CCSER1: variants seen among roughly 807,000 people sequenced by gnomAD.
The protein encoded by CCSER1 is serine-rich coiled-coil domain-containing protein 1.
A neutral mutation model predicts 82.0 loss-of-function variants in CCSER1; 41 were observed. The observed-to-expected ratio is 0.50, with a 90% CI of 0.39 to 0.65. The LOEUF (loss-of-function observed/expected upper bound fraction) is 0.65, where lower values mean the gene tolerates loss of function less well. Among genes scored for constraint, CCSER1 ranks in the 30% least tolerant of loss-of-function variants. The pLI is 0.00. For synonymous variants in CCSER1, 414 were observed against 383.9 expected (o/e 1.08, Z -0.92); for missense variants, 1,119 against 1,064.2 (o/e 1.05, Z -0.72).
intron 10 of CCSER1, among the ~76,000 whole-genome samples, chr4:91,324,882 A>G (rs1023226704): frequency 6.6e-6 from 1 of 152,202 alleles, no homozygotes; most frequent in African/African-American, 2.4e-5. Flanking sequence ...GGGAGGGGCC[A>G]AGGGCAGAAT....
chr4:90,276,255 C>CTCTTTCT (rs1727692994), intron 1 of CCSER1, among the ~76,000 whole-genome samples: 1 of 52,802 alleles, frequency 1.9e-5, no homozygotes, highest in Non-Finnish European at 3.8e-5. Flanking sequence ...TCTTTCTTTC[C>CTCTTTCT]TTCCTTCCTT....
At chr4:90,328,786 C>T (rs544515467) in intron 3 of CCSER1, among the ~76,000 whole-genome samples, 156 of 152,160 alleles carry the variant, frequency 1.0e-3, no homozygotes, top group African/African-American at 3.5e-3. Context: ...CTGAATTGTG[C>T]CTCAGGCTGG....
At chr4:91,309,745 G>A (rs1321590139) in intron 10 of CCSER1, among the ~76,000 whole-genome samples, 1 of 151,872 alleles carries the variant, frequency 6.6e-6, no homozygotes, top group East Asian at 1.9e-4. Flanking sequence ...GTATATATAG[G>A]AATATATAAG....
intron 4 of CCSER1, among the ~76,000 whole-genome samples, chr4:90,454,915 T>C (rs1185905960): frequency 6.6e-6 from 1 of 152,160 alleles, no homozygotes; most frequent in African/African-American, 2.4e-5. Flanking sequence ...TGCCAGCCTG[T>C]TGTAGGGGCA....
intron 9 of CCSER1, among the ~76,000 whole-genome samples, chr4:91,028,126 T>A (rs1391207528): frequency 6.6e-6 from 1 of 152,010 alleles, no homozygotes; most frequent in Non-Finnish European, 1.5e-5. Context: ...CTTCTGTACT[T>A]GTATATCCAA....
chr4:90,886,887 A>G (rs536081286), intron 8 of CCSER1, among the ~76,000 whole-genome samples: 1 of 152,334 alleles, frequency 6.6e-6, no homozygotes, highest in South Asian at 2.1e-4. Flanking sequence ...AGAAATGTCT[A>G]AGCATTCTCC....
At chr4:90,216,622 G>A (rs1312098393) in intron 1 of CCSER1, among the ~76,000 whole-genome samples, 2 of 152,148 alleles carry the variant, frequency 1.3e-5, no homozygotes, top group Admixed American at 1.3e-4. Flanking sequence ...CTGTTTCATT[G>A]ATCTATGCAT....
chr4:91,205,598 G>C (rs1384668026), intron 10 of CCSER1, among the ~76,000 whole-genome samples: 2 of 150,992 alleles, frequency 1.3e-5, no homozygotes, highest in Non-Finnish European at 3.0e-5. Context: ...TCTATACCTT[G>C]ACTGCTTTCT....
At chr4:90,919,458 A>G (rs1332910926) in intron 8 of CCSER1, among the ~76,000 whole-genome samples, 1 of 151,914 alleles carries the variant, frequency 6.6e-6, no homozygotes, top group East Asian at 1.9e-4. Flanking sequence ...TGTTCTGGAG[A>G]GGATTCATAT....
chr4:90,213,692 G>C (rs1250462285), intron 1 of CCSER1, among the ~76,000 whole-genome samples: 1 of 152,142 alleles, frequency 6.6e-6, no homozygotes, highest in East Asian at 1.9e-4. Flanking sequence ...TGTTGTACTC[G>C]ACGCCAAGTA....
chr4:91,446,722 T>A (rs1755590787), intron 10 of CCSER1, among the ~76,000 whole-genome samples: 2 of 148,186 alleles, frequency 1.3e-5, no homozygotes, highest in South Asian at 4.2e-4. Flanking sequence ...TACTTGATAT[T>A]ATTTTTAAAT....
chr4:90,921,766 A>C (rs17197252), intron 8 of CCSER1, among the ~76,000 whole-genome samples: 36,866 of 151,838 alleles, frequency 0.24, 5,062 homozygotes, highest in Non-Finnish European at 0.31. Flanking sequence ...TCATACAAAA[A>C]AGTTTATATA....
In CCSER1 at chr4:90,412,371, C is replaced by T. The variant is rs1287754802; in HGVS notation, c.1603+12242C>T. On this transcript the variant is annotated intron_variant, in intron 4 of 10. Coordinates refer to ENST00000509176, the MANE Select transcript of CCSER1 (RefSeq NM_001145065.2). ...GGGAGATATACCTAATGCTACATGA[C>T]GAGTTGATGGGTGCAGCACACCAAC... is the stretch of plus-strand genomic sequence containing the variant. Among the ~76,000 whole-genome samples, 15 of 150,472 alleles carry T rather than the reference C, an allele frequency of 1.0e-4. No individual in the cohort carries two copies. In the East Asian group the frequency reaches 1.4e-3, roughly 14 times the overall value.
chr4:90,604,782 G>A (rs1293342522), intron 5 of CCSER1, among the ~76,000 whole-genome samples: 2 of 152,148 alleles, frequency 1.3e-5, no homozygotes, highest in African/African-American at 4.8e-5. Flanking sequence ...GAACTTTTAT[G>A]TCTAGCTGGA....
At chr4:91,100,921 A>G (rs1724996503) in intron 10 of CCSER1, among the ~76,000 whole-genome samples, 1 of 152,038 alleles carries the variant, frequency 6.6e-6, no homozygotes, top group South Asian at 2.1e-4. Context: ...ATAACAGTAC[A>G]CTCAGTTTAA....
intron 10 of CCSER1, among the ~76,000 whole-genome samples, chr4:91,482,246 C>CA (rs1440489166): frequency 7.3e-6 from 1 of 137,300 alleles, no homozygotes; most frequent in Admixed American, 7.4e-5. Flanking sequence ...ACTAAAAATA[C>CA]AAAAAATTAG....
At chr4:91,083,760 A>G (rs993431456) in intron 9 of CCSER1, among the ~76,000 whole-genome samples, 7 of 152,186 alleles carry the variant, frequency 4.6e-5, no homozygotes, top group Non-Finnish European at 1.0e-4. Flanking sequence ...GACACTGCAG[A>G]AGAAAAGATC....
intron 9 of CCSER1, among the ~76,000 whole-genome samples, chr4:90,970,424 G>A (rs1328172352): frequency 2.0e-5 from 3 of 151,800 alleles, no homozygotes; most frequent in Non-Finnish European, 4.4e-5. Context: ...AAAAATATAT[G>A]CATCTAACAT....
At chr4:90,650,871 G>A (rs1039870665) in intron 6 of CCSER1, among the ~76,000 whole-genome samples, 22 of 152,148 alleles carry the variant, frequency 1.4e-4, no homozygotes, top group Non-Finnish European at 2.6e-4. Flanking sequence ...CTTTAAATAT[G>A]TGAAATCTTG....
Sources: allele counts gnomAD v4.1 joint callset (sites outside exome capture counted in the v4.1 genomes callset), GRCh38; gene constraint gnomAD v4.1.1; transcripts MANE v1.5; gene names NCBI Gene and HGNC (gene_info 2026-07-23, HGNC 2026-07-21).